The following NKAIN2 variants were observed in gnomAD, a reference collection of about 807,000 sequenced individuals.
NKAIN2 encodes sodium/potassium transporting ATPase interacting 2, also known as sodium/potassium-transporting ATPase subunit beta-1-interacting protein 2.
A neutral mutation model predicts 32.6 loss-of-function variants in NKAIN2; 14 were observed. That is an observed-to-expected ratio of 0.43 (90% confidence interval 0.28 to 0.67). The LOEUF (loss-of-function observed/expected upper bound fraction) is 0.67, where lower values mean the gene tolerates loss of function less well. Among genes scored for constraint, NKAIN2 ranks in the 30% least tolerant of loss-of-function variants. The pLI, the probability that NKAIN2 is intolerant of heterozygous loss-of-function variation, is 0.17. For missense variants in NKAIN2, 198 were observed against 258.3 expected (o/e 0.77, Z 1.60); for synonymous variants, 80 against 87.2 (o/e 0.92, Z 0.46).
At chr6:123,914,055 T>C (rs1427733262) in intron 1 of NKAIN2, among the ~76,000 whole-genome samples, 2 of 152,148 alleles carry the variant, frequency 1.3e-5, no homozygotes, top group East Asian at 3.9e-4. Flanking sequence ...TACCACAGAC[T>C]GGCTGGCTTA....
intron 1 of NKAIN2, among the ~76,000 whole-genome samples, chr6:124,021,154 T>A (rs1780845039): frequency 6.6e-6 from 1 of 152,054 alleles, no homozygotes; most frequent in Non-Finnish European, 1.5e-5. Context: ...GCCCATAGGA[T>A]TTTTCAACAC....
intron 3 of NKAIN2, among the ~76,000 whole-genome samples, chr6:124,516,794 A>G (rs764671063): frequency 6.6e-6 from 1 of 152,170 alleles, no homozygotes; most frequent in African/African-American, 2.4e-5. Flanking sequence ...AAAGAGTTCA[A>G]ACTGAGTCAC....
chr6:124,636,398 G>A (rs887450451), intron 3 of NKAIN2, among the ~76,000 whole-genome samples: 2 of 151,864 alleles, frequency 1.3e-5, no homozygotes, highest in African/African-American at 4.8e-5. Flanking sequence ...CCCAAGGTTA[G>A]TAGGAGAAAA....
intron 4 of NKAIN2, among the ~76,000 whole-genome samples, chr6:124,741,305 A>AT: frequency 6.6e-6 from 1 of 151,828 alleles, no homozygotes; most frequent in East Asian, 2.0e-4. Context: ...ATTAATATTT[A>AT]GATATTACTA....
At chr6:124,508,806 G>A (rs1778597989) in intron 3 of NKAIN2, among the ~76,000 whole-genome samples, 1 of 152,124 alleles carries the variant, frequency 6.6e-6, no homozygotes, top group Non-Finnish European at 1.5e-5. Context: ...CTTCGATTTT[G>A]GTTTGCAGCT....
chr6:124,248,408 C>T (rs974128721), intron 1 of NKAIN2, among the ~76,000 whole-genome samples: 3 of 151,858 alleles, frequency 2.0e-5, no homozygotes, highest in African/African-American at 7.3e-5. Context: ...TCTTCCTTCC[C>T]CCCCACCGAA....
intron 3 of NKAIN2, among the ~76,000 whole-genome samples, chr6:124,514,571 T>G (rs1778833959): frequency 6.6e-6 from 1 of 152,098 alleles, no homozygotes; most frequent in Admixed American, 6.6e-5. Context: ...GACATACTGC[T>G]AGTATTTAGT....
chr6:124,216,504 C>G (rs972492589), intron 1 of NKAIN2, among the ~76,000 whole-genome samples: 5 of 152,178 alleles, frequency 3.3e-5, no homozygotes, highest in African/African-American at 1.2e-4. Flanking sequence ...CAACACTCTG[C>G]CTTCTTCTTT....
chr6:124,591,697 A>T (rs1184220126), intron 3 of NKAIN2, among the ~76,000 whole-genome samples: 1 of 152,160 alleles, frequency 6.6e-6, no homozygotes, highest in Non-Finnish European at 1.5e-5. Context: ...AAGGTAATAC[A>T]TATTTTCTTC....
In NKAIN2 at chr6:124,710,894, G is replaced by A. The variant is rs555784709; in HGVS notation, c.474+52508G>A. On this transcript the variant is annotated intron_variant, in intron 4 of 6. Transcript: ENST00000368417. Reference sequence around the variant, plus strand: ...CATTATGATGTTAGCTGCTTATTTTGCTCGTTAGTTGATGCAGTTTCTTCC... The same window carrying A: ...CATTATGATGTTAGCTGCTTATTTTACTCGTTAGTTGATGCAGTTTCTTCC... Among the ~76,000 whole-genome samples the A allele has an allele frequency of 2.0e-5, 3 of 150,890 alleles. No individual in the cohort carries two copies. In the South Asian group the frequency reaches 6.4e-4, roughly 32 times the overall value.
At chr6:123,992,835 C>T (rs1277156576) in intron 1 of NKAIN2, among the ~76,000 whole-genome samples, 2 of 152,136 alleles carry the variant, frequency 1.3e-5, no homozygotes, top group South Asian at 2.1e-4. Context: ...CTTGTTTCTG[C>T]GTTGTTCCCT....
intron 3 of NKAIN2, among the ~76,000 whole-genome samples, chr6:124,638,887 C>CATAAAA: frequency 1.2e-5 from 1 of 82,622 alleles, no homozygotes; most frequent in Non-Finnish European, 2.2e-5. Flanking sequence ...GAGACTCTGT[C>CATAAAA]AAAAAAAAAA....
At chr6:124,579,768 C>T (rs1781456672) in intron 3 of NKAIN2, among the ~76,000 whole-genome samples, 1 of 152,108 alleles carries the variant, frequency 6.6e-6, no homozygotes, top group South Asian at 2.1e-4. Flanking sequence ...ATAAGACTAC[C>T]TTAAGACATT....
intron 3 of NKAIN2, among the ~76,000 whole-genome samples, chr6:124,373,025 ACT>A (rs1418057514): frequency 2.0e-5 from 3 of 152,152 alleles, no homozygotes; most frequent in Non-Finnish European, 2.9e-5. Flanking sequence ...TGTGAAAATA[ACT>A]CTGGCAGGAG....
At chr6:124,623,994 T>A (rs1228169794) in intron 3 of NKAIN2, among the ~76,000 whole-genome samples, 1 of 151,724 alleles carries the variant, frequency 6.6e-6, no homozygotes, top group African/African-American at 2.4e-5. Context: ...AAGAATGTAC[T>A]GTGATTGGTT....
At chr6:124,499,143 A>T (rs1778185013) in intron 3 of NKAIN2, among the ~76,000 whole-genome samples, 2 of 152,196 alleles carry the variant, frequency 1.3e-5, no homozygotes, top group African/African-American at 2.4e-5. Flanking sequence ...ATTGGATTAG[A>T]TGATTGCTAC....
intron 1 of NKAIN2, among the ~76,000 whole-genome samples, chr6:124,244,575 A>T (rs1436850963): frequency 6.6e-6 from 1 of 152,000 alleles, no homozygotes; most frequent in Non-Finnish European, 1.5e-5. Context: ...CCGAGATGAT[A>T]TACCTAAATA....
At chr6:124,342,194 G>T (rs1798145605) in intron 2 of NKAIN2, among the ~76,000 whole-genome samples, 1 of 151,752 alleles carries the variant, frequency 6.6e-6, no homozygotes, top group Admixed American at 6.6e-5. Flanking sequence ...GAGGTCAGAA[G>T]ATCGAGACCA....
At chr6:124,062,020 A>G (rs552808786) in intron 1 of NKAIN2, among the ~76,000 whole-genome samples, 5 of 152,222 alleles carry the variant, frequency 3.3e-5, no homozygotes, top group Admixed American at 2.6e-4. Flanking sequence ...CAATGGGAAC[A>G]TTTTTCTACC....
Sources: gnomAD v4.1 joint callset for allele counts (sites outside exome capture counted in the v4.1 genomes callset) on GRCh38, gnomAD v4.1.1 for gene constraint, MANE v1.5 for transcripts, NCBI Gene and HGNC (gene_info 2026-07-23, HGNC 2026-07-21) for gene names.